CCDC170: variants seen among roughly 807,000 people sequenced by gnomAD.
The protein encoded by CCDC170 is coiled-coil domain containing 170, also known as coiled-coil domain-containing protein 170.
In CCDC170, 69 loss-of-function variants were observed where a neutral mutation model predicts 72.6. The ratio of observed to expected loss-of-function variants is 0.95; its 90% CI spans 0.78 to 1.16. The LOEUF (loss-of-function observed/expected upper bound fraction) is 1.16, where lower values mean the gene tolerates loss of function less well. CCDC170 is among the 50% of genes most tolerant of loss of function. The pLI is 0.00. For missense variants in CCDC170, 852 were observed against 832.5 expected (o/e 1.02, Z -0.29); for synonymous variants, 300 against 303.9 (o/e 0.99, Z 0.13).
intron 1 of CCDC170, among the ~76,000 whole-genome samples, chr6:151,531,716 A>G (rs1782493296): frequency 6.6e-6 from 1 of 152,178 alleles, no homozygotes; most frequent in South Asian, 2.1e-4. Flanking sequence ...GGTTTATTTG[A>G]CTCACAGTTC....
chr6:151,596,727 GAC>G (rs1256858301), intron 9 of CCDC170, 150 bp downstream of exon 9: 5 of 1,107,720 alleles, frequency 4.5e-6, no homozygotes, highest in Non-Finnish European at 6.3e-6. Flanking sequence ...ATGCAAAAAT[GAC>G]ACAAATCAGG....
intron 1 of CCDC170, among the ~76,000 whole-genome samples, chr6:151,518,127 A>G (rs990105063): frequency 2.0e-4 from 30 of 152,196 alleles, no homozygotes; most frequent in Admixed American, 1.2e-3. Context: ...CACAGAGTCC[A>G]GAAGAAGGCA....
rs1289425852 is a variant in CCDC170, at chr6:151,603,486, A to G, written c.1710+6909A>G. ...TGGCACAAACATAGCCTTATACACA[A>G]ATGCAAATGCCAAGTACTGAAATCA... is the stretch of plus-strand genomic sequence containing the variant. On this transcript the variant is annotated intron_variant, in intron 9 of 10. Coordinates refer to ENST00000239374, the MANE Select transcript of CCDC170 (RefSeq NM_025059.4). Among the ~76,000 whole-genome samples, 4 of 152,364 alleles carry G rather than the reference A, an allele frequency of 2.6e-5. 1 individual carries two copies. In the East Asian group the frequency reaches 7.7e-4, roughly 29 times the overall value.
chr6:151,597,292 A>AT lies in CCDC170; in HGVS notation c.1710+722dup, dbSNP rs1045565616. On this transcript the variant is annotated intron_variant, in intron 9 of 10. Coordinates refer to ENST00000239374, the MANE Select transcript of CCDC170 (RefSeq NM_025059.4). ...AGGTGTGCACCACCATGCCATGCTA[A>AT]TTTTTTTGTATTTTTAGTAGAGACA... Among the ~76,000 whole-genome samples, 101 of 151,710 alleles carry AT rather than the reference A, an allele frequency of 6.7e-4. 1 individual carries two copies. The highest frequency in any genetic ancestry group is 4.4e-3 in the Admixed American group (67 of 15,208).
chr6:151,576,482 T>G, intron 6 of CCDC170, among the ~76,000 whole-genome samples: 1 of 152,140 alleles, frequency 6.6e-6, no homozygotes, highest in East Asian at 1.9e-4. Context: ...ACTACTTTAA[T>G]CCCAAACAAG....
intron 1 of CCDC170, among the ~76,000 whole-genome samples, chr6:151,496,839 A>G (rs1268496137): frequency 6.6e-6 from 1 of 152,268 alleles, no homozygotes; most frequent in Non-Finnish European, 1.5e-5. Flanking sequence ...ACATGGAATC[A>G]TAAAACTTAT....
At chr6:151,526,598 C>T (rs1248135376) in intron 1 of CCDC170, among the ~76,000 whole-genome samples, 3 of 149,726 alleles carry the variant, frequency 2.0e-5, no homozygotes, top group Admixed American at 6.7e-5. Context: ...TCACTGCAAA[C>T]TCCGCCTCCT....
At chr6:151,588,964 C>T (rs753792073) in intron 7 of CCDC170, among the ~76,000 whole-genome samples, 1 of 151,260 alleles carries the variant, frequency 6.6e-6, no homozygotes, top group Non-Finnish European at 1.5e-5. Flanking sequence ...AACAAAAAAC[C>T]AAAAACAGGC....
In CCDC170 at chr6:151,596,511, G is replaced by A. The variant is rs373104415; in HGVS notation, c.1644G>A (p.Glu548=). 18 of 1,614,140 alleles carry A rather than the reference G, an allele frequency of 1.1e-5. No homozygotes were observed. Among genetic ancestry groups the A allele is most frequent in the Non-Finnish European group, 1.4e-5 (16 of 1,180,012 alleles). The change falls in exon 9 of 11, where the codon GAG becomes GAA. Residue 548 remains glutamate (E), a synonymous_variant. Transcript: ENST00000239374. ...AGAAGGTGGAGAGGCTGCAGAAAGA[G>A]CTGAACACGTGTCGAGACTTGCACA... ...LQKKVERLQK[E]LNTCRDLHTE... is the part of the protein sequence containing the mutation.
At position 151,573,431 on chromosome 6, in the gene CCDC170, T is replaced by C. The variant is rs1246134955; in HGVS notation, c.1032T>C (p.Thr344=). 9 of 1,614,088 alleles carry C rather than the reference T, an allele frequency of 5.6e-6. No individual in the cohort carries two copies. The East Asian group carries it at 6.7e-5, about 12-fold the overall frequency. Residue 344 remains threonine, a synonymous_variant, in exon 6 of 11, where the codon ACT becomes ACC. Coordinates refer to ENST00000239374, the MANE Select transcript of CCDC170 (RefSeq NM_025059.4). ...LRGRLSMTGS[T]EDTILEKIRE... ...GCAGATTGAGCATGACTGGGTCCAC[T>C]GAGGACACCATTTTGGAGAAGATTC...
chr6:151,618,091 G>A lies in CCDC170; in HGVS notation c.2092G>A (p.Asp698Asn). The change falls in exon 11 of 11, where the codon GAT becomes AAT. Residue 698 changes from aspartate to asparagine, a missense_variant. Coordinates refer to ENST00000239374, the MANE Select transcript of CCDC170 (RefSeq NM_025059.4). ...CTTTGTTACCTGTGCCTGCCTCAAA[G>A]ATGTGACTACTGGGCAAGAGAGGCA... ...HHFVTCACLKDVTTGQERHPQ... is the reference protein window; with the variant it reads ...HHFVTCACLKNVTTGQERHPQ... The A allele has an allele frequency of 6.2e-7, 1 of 1,614,162 alleles. No homozygotes were observed.
intron 1 of CCDC170, among the ~76,000 whole-genome samples, chr6:151,502,797 CT>C (rs1367819664): frequency 2.0e-5 from 3 of 152,140 alleles, no homozygotes; most frequent in African/African-American, 7.2e-5. Flanking sequence ...AGATAAAGAA[CT>C]TTTTTCCTTG....
In CCDC170 at chr6:151,618,235, G is replaced by A. The variant is rs776914311; in HGVS notation, c.*88G>A. The A allele has an allele frequency of 5.9e-6, 7 of 1,180,864 alleles. No individual in the cohort carries two copies. The highest frequency in any genetic ancestry group is 8.5e-6 in the Non-Finnish European group (7 of 819,424). 73.1% of individuals were successfully genotyped at this position (1,180,864 alleles called of 1,614,324 possible). ...TCCTCATGTCTTTGAGATTTGATCAGTTTGTGAATATTTTATGCTTTGATG... is the reference window on the plus strand; with the variant it reads ...TCCTCATGTCTTTGAGATTTGATCAATTTGTGAATATTTTATGCTTTGATG... On this transcript the variant is annotated 3_prime_UTR_variant, in exon 11 of 11. Coordinates refer to ENST00000239374, the MANE Select transcript of CCDC170 (RefSeq NM_025059.4).
At chr6:151,537,221 T>C (rs769402063) in intron 2 of CCDC170, among the ~76,000 whole-genome samples, 7 of 152,302 alleles carry the variant, frequency 4.6e-5, no homozygotes, top group Non-Finnish European at 7.4e-5. Context: ...GAGTGGAGTT[T>C]CTGAGAGTCT....
Position 151,573,380 on chromosome 6 carries a change from G to A in CCDC170, c.981G>A (p.Arg327=). 1.2e-6 allele frequency: 2 copies of A among 1,614,120 alleles called. No individual in the cohort carries two copies. The highest frequency in any genetic ancestry group is 1.7e-6 in the Non-Finnish European group (2 of 1,180,024). The change falls in exon 6 of 11, where the codon AGG becomes AGA. Residue 327 remains arginine (R), a synonymous_variant. Coordinates refer to ENST00000239374, the MANE Select transcript of CCDC170 (RefSeq NM_025059.4). ...TTSQSQYFSF[R]EKIAALLRGR... is the part of the protein sequence containing the mutation. ...CACAAAGCCAGTACTTCTCATTTAG[G>A]GAGAAAATCGCAGCCCTCCTTAGGG...
chr6:151,595,606 A>G (rs73617508), intron 8 of CCDC170, among the ~76,000 whole-genome samples: 4,407 of 152,188 alleles, frequency 0.029, 178 homozygotes, highest in African/African-American at 0.093. Context: ...TCTTGAACCC[A>G]GGAGTTCAAG....
chr6:151,509,522 AT>A (rs1304302997), intron 1 of CCDC170, among the ~76,000 whole-genome samples: 4 of 152,190 alleles, frequency 2.6e-5, no homozygotes, highest in African/African-American at 7.2e-5. Context: ...TTGAACAGAT[AT>A]TTTTAAGCTT....
Position 151,499,244 on chromosome 6 carries a change from A to G in CCDC170, c.57+5059A>G, listed in dbSNP as rs144062904. Reference sequence around the variant, plus strand: ...TATTTGACTCTTCTAGGCATGCTGTATAAGTGGAATCAGACTGTATTTGAC... The same window carrying G: ...TATTTGACTCTTCTAGGCATGCTGTGTAAGTGGAATCAGACTGTATTTGAC... On this transcript the variant is annotated intron_variant, in intron 1 of 10. Transcript: ENST00000239374. 1.9e-3 allele frequency among the ~76,000 whole-genome samples: 245 copies of G among 130,942 alleles called. 27 individuals carry two copies. Among genetic ancestry groups the G allele is most frequent in the East Asian group, 0.012 (44 of 3,812 alleles). 85.9% of individuals were successfully genotyped at this position (130,942 alleles called of 152,430 possible).
chr6:151,598,644 T>C (rs1776659678), intron 9 of CCDC170, among the ~76,000 whole-genome samples: 1 of 152,180 alleles, frequency 6.6e-6, no homozygotes, highest in Non-Finnish European at 1.5e-5. Context: ...AATCACTTTT[T>C]CTAAAATCAC....
Sources: gnomAD v4.1 joint callset for allele counts (sites outside exome capture counted in the v4.1 genomes callset) on GRCh38, gnomAD v4.1.1 for gene constraint, MANE v1.5 for transcripts, NCBI Gene and HGNC (gene_info 2026-07-23, HGNC 2026-07-21) for gene names.